NRXN3: variants seen among roughly 807,000 people sequenced by gnomAD.
NRXN3 encodes the protein neurexin III.
In NRXN3, 32 loss-of-function variants were observed where a neutral mutation model predicts 137.6. The ratio of observed to expected loss-of-function variants is 0.23; its 90% CI spans 0.18 to 0.31. The LOEUF (loss-of-function observed/expected upper bound fraction) is 0.31. NRXN3 is among the 10% of genes least tolerant of loss of function. The pLI, the probability that NRXN3 is intolerant of heterozygous loss-of-function variation, is 1.00. For missense variants in NRXN3, 1,574 were observed against 2,062.5 expected, an observed-to-expected ratio of 0.76 and a Z score of 4.59; for synonymous variants, 798 against 784.5, an observed-to-expected ratio of 1.02 and a Z score of -0.29.
At chr14:78,497,055 A>G (rs2095796889) in intron 4 of NRXN3, among the ~76,000 whole-genome samples, 1 of 152,102 alleles carries the variant, frequency 6.6e-6, no homozygotes, top group African/African-American at 2.4e-5. Context: ...CACTTGCTGC[A>G]AAACAGACCT....
intron 4 of NRXN3, among the ~76,000 whole-genome samples, chr14:78,473,279 G>A (rs1249617341): frequency 1.3e-4 from 20 of 151,994 alleles, no homozygotes; most frequent in Non-Finnish European, 7.4e-5. Context: ...GCGGGCTCCT[G>A]TAGTCCCAGC....
At chr14:79,121,303 C>A (rs2055385277) in intron 15 of NRXN3, among the ~76,000 whole-genome samples, 2 of 152,264 alleles carry the variant, frequency 1.3e-5, no homozygotes, top group Non-Finnish European at 2.9e-5. Context: ...AGATCATGAT[C>A]CCATTGATGT....
At chr14:79,262,744 C>T (rs1433761572) in intron 15 of NRXN3, among the ~76,000 whole-genome samples, 5 of 152,146 alleles carry the variant, frequency 3.3e-5, no homozygotes, top group Non-Finnish European at 7.3e-5. Context: ...ACAGGGCCTT[C>T]AAAGCAAAGA....
At chr14:79,675,566 A>T (rs2098636201) in intron 17 of NRXN3, among the ~76,000 whole-genome samples, 1 of 152,120 alleles carries the variant, frequency 6.6e-6, no homozygotes. Flanking sequence ...TGGAATAAAG[A>T]GAGCAAGAGT....
chr14:79,094,685 G>T (rs1405274768), intron 15 of NRXN3, among the ~76,000 whole-genome samples: 1 of 152,032 alleles, frequency 6.6e-6, no homozygotes, highest in Non-Finnish European at 1.5e-5. Flanking sequence ...AGAAGTCTGA[G>T]TTTTTGTTTG....
chr14:78,860,170 A>G (rs2099068646), intron 10 of NRXN3, among the ~76,000 whole-genome samples: 1 of 152,184 alleles, frequency 6.6e-6, no homozygotes, highest in African/African-American at 2.4e-5. Flanking sequence ...TTTAATGTGT[A>G]AATATTTACT....
chr14:79,713,233 C>CACTT (rs2098811324), intron 19 of NRXN3, among the ~76,000 whole-genome samples: 1 of 137,446 alleles, frequency 7.3e-6, no homozygotes, highest in Non-Finnish European at 1.5e-5. Context: ...CTCAAAGTAG[C>CACTT]ACTTACAACT....
At chr14:78,353,135 G>C (rs930232601) in intron 4 of NRXN3, among the ~76,000 whole-genome samples, 1 of 152,132 alleles carries the variant, frequency 6.6e-6, no homozygotes, top group Non-Finnish European at 1.5e-5. Flanking sequence ...TGAGGAAACC[G>C]GACTGGAGAG....
chr14:78,909,333 T>C (rs1017888130), intron 10 of NRXN3, among the ~76,000 whole-genome samples: 3 of 152,146 alleles, frequency 2.0e-5, no homozygotes, highest in African/African-American at 4.8e-5. Flanking sequence ...GCAAAGGTCA[T>C]TGCAACAGTT....
intron 15 of NRXN3, among the ~76,000 whole-genome samples, chr14:79,387,761 A>G (rs1018194363): frequency 6.6e-6 from 1 of 152,006 alleles, no homozygotes; most frequent in African/African-American, 2.4e-5. Context: ...ACACCATGGA[A>G]TACTATGCAG....
intron 8 of NRXN3, among the ~76,000 whole-genome samples, chr14:78,747,169 C>T (rs2098612716): frequency 6.6e-6 from 1 of 152,160 alleles, no homozygotes; most frequent in Admixed American, 6.5e-5. Context: ...CATTCTGCCA[C>T]ACCTCTCTGG....
intron 19 of NRXN3, among the ~76,000 whole-genome samples, chr14:79,738,315 C>CA (rs2098949057): frequency 7.2e-6 from 1 of 137,966 alleles, no homozygotes; most frequent in Non-Finnish European, 1.5e-5. Flanking sequence ...ATTTCCCCCG[C>CA]CACACACACA....
intron 8 of NRXN3, among the ~76,000 whole-genome samples, chr14:78,772,039 T>A (rs2098729962): frequency 6.6e-6 from 1 of 152,150 alleles, no homozygotes; most frequent in Non-Finnish European, 1.5e-5. Context: ...GGAAGGTAAT[T>A]TTATACAATA....
chr14:78,477,941 C>G (rs1040283993), intron 4 of NRXN3, among the ~76,000 whole-genome samples: 5 of 152,064 alleles, frequency 3.3e-5, no homozygotes, highest in Non-Finnish European at 5.9e-5. Context: ...CGGGAAAGGA[C>G]AGACTCATGT....
intron 11 of NRXN3, among the ~76,000 whole-genome samples, chr14:78,957,937 T>G (rs980296287): frequency 6.6e-6 from 1 of 152,146 alleles, no homozygotes; most frequent in Admixed American, 6.5e-5. Context: ...AAGCAAATCT[T>G]TGGCCTGGTG....
chr14:79,043,095 G>A (rs1345581088), intron 15 of NRXN3, among the ~76,000 whole-genome samples: 1 of 152,090 alleles, frequency 6.6e-6, no homozygotes, highest in Non-Finnish European at 1.5e-5. Flanking sequence ...AAATCAAGCA[G>A]CCAGACAATG....
chr14:79,369,478 G>A (rs74469449), intron 15 of NRXN3, among the ~76,000 whole-genome samples: 1,601 of 152,238 alleles, frequency 0.011, 16 homozygotes, highest in Non-Finnish European at 0.014. Context: ...TAGAAAAGTC[G>A]ATTGAAACAT....
intron 4 of NRXN3, among the ~76,000 whole-genome samples, chr14:78,512,806 G>A (rs993343137): frequency 6.6e-6 from 1 of 152,084 alleles, no homozygotes; most frequent in African/African-American, 2.4e-5. Flanking sequence ...AAAACCACAA[G>A]GTAGGAAGAG....
chr14:78,915,357 A>AAC (rs2099252155), intron 10 of NRXN3, among the ~76,000 whole-genome samples: 1 of 147,826 alleles, frequency 6.8e-6, no homozygotes, highest in East Asian at 1.9e-4. Context: ...AAAAAAAAAA[A>AAC]AAAAAAAAAA....
Sources: allele counts gnomAD v4.1 joint callset (sites outside exome capture counted in the v4.1 genomes callset), GRCh38; gene constraint gnomAD v4.1.1; transcripts MANE v1.5; gene names NCBI Gene and HGNC (gene_info 2026-07-23, HGNC 2026-07-21).